SMARCA2: variants seen among roughly 807,000 people sequenced by gnomAD.
SMARCA2 encodes SWI/SNF-related matrix-associated actin-dependent regulator of chromatin subfamily A member 2.
Under a neutral mutation model 199.8 loss-of-function variants are expected in SMARCA2, and 61 were observed. The observed-to-expected ratio is 0.31, with a 90% CI of 0.25 to 0.38. The LOEUF is 0.38. Among genes scored for constraint, SMARCA2 ranks in the 10% least tolerant of loss-of-function variants. The pLI is 1.00. For synonymous variants in SMARCA2, 935 were observed against 732.0 expected (o/e 1.28, Z -4.48); for missense variants, 1,344 against 2,012.2 (o/e 0.67, Z 6.35).
At chr9:2,187,997 G>A (rs2129965182) in intron 32 of SMARCA2, among the ~76,000 whole-genome samples, 1 of 152,142 alleles carries the variant, frequency 6.6e-6, no homozygotes, top group Middle Eastern at 3.4e-3. Flanking sequence ...AATATTACAT[G>A]TATGTAGAGA....
chr9:2,154,050 A>G (rs999203087), intron 27 of SMARCA2, among the ~76,000 whole-genome samples: 16 of 152,258 alleles, frequency 1.1e-4, no homozygotes, highest in African/African-American at 4.8e-5. Context: ...TTATGCAGCC[A>G]GACTTTGAGT....
intron 3 of SMARCA2, chr9:2,033,303 T>C (rs1326661885): frequency 1.0e-5 from 5 of 495,262 alleles, no homozygotes; most frequent in African/African-American, 2.0e-5. Flanking sequence ...CTAGCCACCA[T>C]GTGTCCAAGC....
intron 27 of SMARCA2, chr9:2,158,015 C>T (rs1164760966): frequency 5.1e-6 from 2 of 395,074 alleles, no homozygotes; most frequent in Non-Finnish European, 8.9e-6. Context: ...CTGTCTCCTG[C>T]ATTTTGCTGT....
intron 26 of SMARCA2, among the ~76,000 whole-genome samples, chr9:2,121,569 A>G (rs1823461787): frequency 6.6e-6 from 1 of 152,254 alleles, no homozygotes; most frequent in African/African-American, 2.4e-5. Flanking sequence ...GTGAGCTAGA[A>G]TAAATCTTTG....
rs1358752290 is a variant in SMARCA2 at position 2,039,832 on chromosome 9, A to C, written c.722A>C (p.Gln241Pro). The part of the protein sequence containing the change: ...QQQQQQQQPQ[Q>P]QPPQPQTQQQ... ...CAGCAGCAGCAACAGCAGCCGCAGC[A>C]GCAGCCGCCGCAACCACAGACGCAG... The change falls in exon 4 of 34, where the codon CAG (glutamine) becomes CCG (proline). Residue 241 changes from glutamine to proline, a missense_variant. By Grantham distance (76) the Gln-to-Pro change is moderately conservative. Coordinates refer to ENST00000349721, the MANE Select transcript of SMARCA2 (RefSeq NM_003070.5). This position sits in a 1 kb window ranked among gnomAD's most constrained non-coding sequence, Gnocchi z 4.8. 1.2e-6 allele frequency: 2 copies of C among 1,611,380 alleles called. No individual in the cohort carries two copies. Among genetic ancestry groups the C allele is most frequent in the Non-Finnish European group, 1.7e-6 (2 of 1,179,020 alleles).
intron 27 of SMARCA2, among the ~76,000 whole-genome samples, chr9:2,135,673 C>T (rs1476411018): frequency 2.0e-5 from 3 of 152,094 alleles, no homozygotes; most frequent in East Asian, 3.9e-4. Flanking sequence ...TCCCAAGTAG[C>T]TGGGATTAAA....
At chr9:2,155,351 C>T (rs774607753) in intron 27 of SMARCA2, among the ~76,000 whole-genome samples, 66 of 152,020 alleles carry the variant, frequency 4.3e-4, no homozygotes, top group Middle Eastern at 3.4e-3. Flanking sequence ...GGGGCAATCT[C>T]GGCTCACTGC....
intron 27 of SMARCA2, chr9:2,160,002 C>A: frequency 6.6e-7 from 1 of 1,521,386 alleles, no homozygotes; most frequent in Non-Finnish European, 8.9e-7. Context: ...CCGGTGTTCT[C>A]CGTATTTCTG....
rs113589876 is a variant in SMARCA2, at chr9:2,184,208, A to G, written c.4462-1888A>G. On this transcript the variant is annotated intron_variant, in intron 31 of 33. Coordinates refer to ENST00000349721, the MANE Select transcript of SMARCA2 (RefSeq NM_003070.5). ...CCCATAGTCCATTCGGACTGATACT[A>G]TGATCACCTGCTTCCCCAGTTACAT... is the stretch of plus-strand genomic sequence containing the variant. Among the ~76,000 whole-genome samples the G allele has an allele frequency of 4.0e-3, 604 of 152,250 alleles. 3 individuals are homozygous for G. Among genetic ancestry groups the G allele is most frequent in the African/African-American group, 0.014 (570 of 41,548 alleles).
At chr9:2,130,932 T>G (rs968401105) in intron 27 of SMARCA2, among the ~76,000 whole-genome samples, 1 of 152,212 alleles carries the variant, frequency 6.6e-6, no homozygotes, top group African/African-American at 2.4e-5. Flanking sequence ...GCAGTCATCA[T>G]TATTGAGCCA....
At chr9:2,053,125 C>T (rs951131775) in intron 5 of SMARCA2, among the ~76,000 whole-genome samples, 90 of 152,142 alleles carry the variant, frequency 5.9e-4, no homozygotes, top group African/African-American at 2.1e-3. Context: ...CCTGCGCTCC[C>T]TCCCTCCCCC....
rs760502371 is a variant in SMARCA2 at position 2,115,223 on chromosome 9, A to G, written c.3457-599A>G. ...TAGGTAGTGACAAATTTCTGTCCCC[A>G]AAAGTTTACCAGTTGACTACCCAAC... On this transcript the variant is annotated intron_variant, in intron 24 of 33. Transcript: ENST00000349721. This position sits in a 1 kb window ranked among gnomAD's most constrained non-coding sequence, Gnocchi z 6.0. 6.6e-6 allele frequency among the ~76,000 whole-genome samples: 1 copy of G among 152,216 alleles called. No individual in the cohort carries two copies. Among genetic ancestry groups the G allele is most frequent in the Non-Finnish European group, 1.5e-5 (1 of 68,034 alleles).
At chr9:2,072,512 G>T (rs1036218892) in intron 10 of SMARCA2, among the ~76,000 whole-genome samples, 1 of 152,172 alleles carries the variant, frequency 6.6e-6, no homozygotes, top group African/African-American at 2.4e-5. Context: ...ACCCCTGGGG[G>T]GTTAGTTTTG....
At position 2,115,305 on chromosome 9, in the gene SMARCA2, G is replaced by A. The variant is rs1004068138; in HGVS notation, c.3457-517G>A. On this transcript the variant is annotated intron_variant, in intron 24 of 33. Transcript: ENST00000349721. This position sits in a 1 kb window ranked among gnomAD's most constrained non-coding sequence, Gnocchi z 6.0. Reference sequence around the variant, plus strand: ...CCGAGTCTTTGATAAGGTTAGGTTCGAGGAAATTGACTACCTGAGCAGTCA... The same window carrying A: ...CCGAGTCTTTGATAAGGTTAGGTTCAAGGAAATTGACTACCTGAGCAGTCA... 2.0e-5 allele frequency among the ~76,000 whole-genome samples: 3 copies of A among 152,146 alleles called. No homozygotes were observed. The highest frequency in any genetic ancestry group is 2.9e-5 in the Non-Finnish European group (2 of 68,028).
Position 2,119,247 on chromosome 9 carries a change from C to T in SMARCA2, c.3685-211C>T, listed in dbSNP as rs10964839. Among the ~76,000 whole-genome samples, 18 of 152,286 alleles carry T rather than the reference C, an allele frequency of 1.2e-4. No homozygotes were observed. The highest frequency in any genetic ancestry group is 3.9e-4 in the East Asian group (2 of 5,186). On this transcript the variant is annotated intron_variant, in intron 25 of 33. Coordinates refer to ENST00000349721, the MANE Select transcript of SMARCA2 (RefSeq NM_003070.5). The surrounding 1 kb of genome is among the most constrained non-coding windows in gnomAD (Gnocchi z 4.6). The stretch of plus-strand genomic sequence containing the variant: ...GAGAACTCATATTTCTTATAGTGGA[C>T]CACAGTTTCCTCCCTGAACGGATTT...
At chr9:2,108,129 T>G (rs1192629851) in intron 23 of SMARCA2, among the ~76,000 whole-genome samples, 1 of 152,220 alleles carries the variant, frequency 6.6e-6, no homozygotes, top group Admixed American at 6.5e-5. Context: ...GTGGAGTTTT[T>G]GGCTCTCCAA....
In SMARCA2 at chr9:2,029,600, T is replaced by G. The variant is rs538039056; in HGVS notation, c.225+353T>G. Among the ~76,000 whole-genome samples, 257 of 152,360 alleles carry G rather than the reference T, an allele frequency of 1.7e-3. 1 individual carries two copies. The highest frequency in any genetic ancestry group is 2.9e-3 in the Non-Finnish European group (198 of 68,028). On this transcript the variant is annotated intron_variant, in intron 2 of 33. Transcript: ENST00000349721. ...CTGTGTTAAGTAACTTATCCACTAA[T>G]GAACATACTGAAAATTATTCTTTCC...
intron 3 of SMARCA2, 28 bp downstream of exon 3, chr9:2,033,109 G>C: frequency 1.2e-6 from 2 of 1,608,830 alleles, no homozygotes; most frequent in Non-Finnish European, 1.7e-6. Flanking sequence ...ACCTGATACT[G>C]GTTCCCCAGC....
intron 15 of SMARCA2, 54 bp downstream of exon 15, chr9:2,082,049 G>A (rs1035789653): frequency 1.3e-5 from 19 of 1,431,292 alleles, no homozygotes; most frequent in African/African-American, 4.3e-5. Context: ...TAGAGTGCCC[G>A]ATTAGTAGCT....
Sources: gnomAD v4.1 joint callset for allele counts (sites outside exome capture counted in the v4.1 genomes callset) on GRCh38, gnomAD v4.1.1 for gene constraint, Gnocchi (gnomAD v3.1) non-coding constraint, MANE v1.5 for transcripts, NCBI Gene and HGNC (gene_info 2026-07-23, HGNC 2026-07-21) for gene names.